Variants in CCDC60 observed in about 807,000 individuals in gnomAD.
CCDC60 encodes the protein coiled-coil domain-containing protein 60.
Under a neutral mutation model 63.5 loss-of-function variants are expected in CCDC60, and 54 were observed. The observed-to-expected ratio is 0.85, with a 90% CI of 0.68 to 1.07. CCDC60 has a LOEUF of 1.07. Among genes scored for constraint, CCDC60 ranks in the 50% least tolerant of loss-of-function variants. The probability of loss-of-function intolerance (pLI) is 0.00; values close to 1 mark genes in which losing one functional copy is unlikely to be tolerated. For synonymous variants in CCDC60, 206 were observed against 238.8 expected, an observed-to-expected ratio of 0.86 and a Z score of 1.27; for missense variants, 651 against 684.3, an observed-to-expected ratio of 0.95 and a Z score of 0.54.
At chr12:119,536,882 A>G (rs1490165561) in intron 13 of CCDC60, among the ~76,000 whole-genome samples, 1 of 152,092 alleles carries the variant, frequency 6.6e-6, no homozygotes, top group Non-Finnish European at 1.5e-5. Context: ...TCTGACAATT[A>G]TGTGTCTTGG....
At chr12:119,527,788 C>T (rs1593220828) in intron 11 of CCDC60, among the ~76,000 whole-genome samples, 1 of 150,798 alleles carries the variant, frequency 6.6e-6, no homozygotes, top group South Asian at 2.1e-4. Context: ...GCCATTCTCC[C>T]GCCTCAGTCT....
At position 119,456,467 on chromosome 12, in the gene CCDC60, G is replaced by T. The variant is rs1269369223; in HGVS notation, c.171-15527G>T. Among the ~76,000 whole-genome samples the T allele has an allele frequency of 6.6e-6, 1 of 152,150 alleles. No individual in the cohort carries two copies. Among genetic ancestry groups the T allele is most frequent in the Non-Finnish European group, 1.5e-5 (1 of 68,020 alleles). ...TACAGGACCCCAACACTTCCTGGGG[G>T]TTTCTGCACTACAGTCCCTTCATGG... On this transcript the variant is annotated intron_variant, in intron 2 of 13. Transcript: ENST00000327554. The surrounding 1 kb of genome is among the most constrained non-coding windows in gnomAD (Gnocchi z 4.6).
At chr12:119,511,254 C>T (rs1001558439) in intron 7 of CCDC60, among the ~76,000 whole-genome samples, 22 of 152,310 alleles carry the variant, frequency 1.4e-4, no homozygotes, top group Non-Finnish European at 1.8e-4. Flanking sequence ...CAAATTGATT[C>T]TGAATTCAGG....
chr12:119,485,461 C>T (rs1332869996), intron 4 of CCDC60, among the ~76,000 whole-genome samples: 2 of 152,206 alleles, frequency 1.3e-5, no homozygotes, highest in Non-Finnish European at 2.9e-5. Context: ...AGAACAGAAA[C>T]GTATTTCCTC....
intron 1 of CCDC60, among the ~76,000 whole-genome samples, chr12:119,390,900 G>A (rs1956146102): frequency 1.3e-5 from 2 of 152,218 alleles, no homozygotes; most frequent in Non-Finnish European, 2.9e-5. Context: ...CTAAAAAGCA[G>A]CAGTGCTTCC....
chr12:119,424,153 T>C (rs908623057), intron 1 of CCDC60, among the ~76,000 whole-genome samples: 8 of 152,236 alleles, frequency 5.3e-5, no homozygotes, highest in Non-Finnish European at 7.4e-5. Context: ...ATATATGCCT[T>C]GTCATATGTC....
At chr12:119,514,762 A>G (rs1354226028) in intron 7 of CCDC60, among the ~76,000 whole-genome samples, 2 of 152,210 alleles carry the variant, frequency 1.3e-5, no homozygotes, top group East Asian at 1.9e-4. Context: ...TATAAAGTCC[A>G]CAGTAATGTC....
intron 1 of CCDC60, among the ~76,000 whole-genome samples, chr12:119,374,449 A>G (rs1231711394): frequency 6.6e-6 from 1 of 152,190 alleles, no homozygotes; most frequent in Non-Finnish European, 1.5e-5. Flanking sequence ...AGGAAACCTT[A>G]TAGAAATAAT....
intron 2 of CCDC60, among the ~76,000 whole-genome samples, chr12:119,438,898 G>A (rs1324502373): frequency 1.3e-5 from 2 of 151,958 alleles, no homozygotes; most frequent in African/African-American, 2.4e-5. Context: ...ATGAGATAAT[G>A]TACATAAAAA....
At chr12:119,511,647 A>G (rs1025111771) in intron 7 of CCDC60, among the ~76,000 whole-genome samples, 2 of 152,348 alleles carry the variant, frequency 1.3e-5, no homozygotes, top group African/African-American at 4.8e-5. Context: ...CAGGCTGGGC[A>G]TGGAAGATGG....
intron 1 of CCDC60, among the ~76,000 whole-genome samples, chr12:119,343,539 G>A (rs1313517654): frequency 6.6e-6 from 1 of 151,946 alleles, no homozygotes; most frequent in Non-Finnish European, 1.5e-5. Flanking sequence ...ATGTTTTGAG[G>A]GCGCTAAAAT....
At position 119,438,130 on chromosome 12, in the gene CCDC60, G is replaced by T. The variant is rs540140148; in HGVS notation, c.170+9368G>T. Among the ~76,000 whole-genome samples, 4 of 152,208 alleles carry T rather than the reference G, an allele frequency of 2.6e-5. No individual in the cohort carries two copies. The East Asian group carries it at 7.7e-4, about 29-fold the overall frequency. ...CCCTACCTATTTTTCTCTGTTTCTGGTATCTTCATGTATCTTTGACACCTG... is the reference window on the plus strand; with the variant it reads ...CCCTACCTATTTTTCTCTGTTTCTGTTATCTTCATGTATCTTTGACACCTG... On this transcript the variant is annotated intron_variant, in intron 2 of 13. Coordinates refer to ENST00000327554, the MANE Select transcript of CCDC60 (RefSeq NM_178499.5).
intron 11 of CCDC60, among the ~76,000 whole-genome samples, chr12:119,525,194 A>G (rs903331918): frequency 2.0e-5 from 3 of 152,200 alleles, no homozygotes; most frequent in African/African-American, 7.2e-5. Flanking sequence ...ATTCAAACCC[A>G]AAGAGTCATG....
chr12:119,409,107 G>A (rs1442141123), intron 1 of CCDC60, among the ~76,000 whole-genome samples: 4 of 152,168 alleles, frequency 2.6e-5, no homozygotes, highest in Non-Finnish European at 5.9e-5. Flanking sequence ...AGTACCAGGA[G>A]GTGGGTATCA....
chr12:119,478,360 ACC>A (rs11320620), intron 3 of CCDC60, among the ~76,000 whole-genome samples: 6 of 148,456 alleles, frequency 4.0e-5, no homozygotes, highest in Non-Finnish European at 6.0e-5. Context: ...GACAACAACC[ACC>A]CCCCCCCAAA....
chr12:119,439,022 T>G (rs571065109), intron 2 of CCDC60, among the ~76,000 whole-genome samples: 1 of 152,110 alleles, frequency 6.6e-6, no homozygotes, highest in South Asian at 2.1e-4. Flanking sequence ...AGGACATCAC[T>G]CCAGCATCTT....
intron 2 of CCDC60, among the ~76,000 whole-genome samples, chr12:119,444,654 C>G (rs1950506986): frequency 6.6e-6 from 1 of 152,202 alleles, no homozygotes; most frequent in South Asian, 2.1e-4. Flanking sequence ...CAAGGTGGCG[C>G]TGTACAAAAA....
intron 1 of CCDC60, among the ~76,000 whole-genome samples, chr12:119,413,870 C>T (rs534733309): frequency 1.3e-5 from 2 of 152,262 alleles, no homozygotes; most frequent in South Asian, 2.1e-4. Flanking sequence ...GAAGGGTTCA[C>T]AGAAGAGAGG....
chr12:119,493,985 C>T (rs573323994), intron 5 of CCDC60, among the ~76,000 whole-genome samples: 8 of 152,194 alleles, frequency 5.3e-5, no homozygotes, highest in Non-Finnish European at 1.0e-4. Context: ...AAGTGCATAA[C>T]AAAGGTCAAA....
Sources: allele counts gnomAD v4.1 joint callset (sites outside exome capture counted in the v4.1 genomes callset), GRCh38; gene constraint gnomAD v4.1.1; non-coding constraint Gnocchi (gnomAD v3.1); transcripts MANE v1.5; gene names NCBI Gene and HGNC (gene_info 2026-07-23, HGNC 2026-07-21).